Variants in ACOX1 observed in about 807,000 individuals in gnomAD.
ACOX1 encodes the protein peroxisomal acyl-coenzyme A oxidase 1.
ACOX1 carries 41 observed loss-of-function variants against 75.5 expected under a neutral mutation model. The observed-to-expected ratio is 0.54, with a 90% CI of 0.42 to 0.70. The LOEUF is 0.70. ACOX1 is among the 30% of genes least tolerant of loss of function. The pLI is 0.00. For missense variants in ACOX1, 630 were observed against 837.5 expected, an observed-to-expected ratio of 0.75 and a Z score of 3.06; for synonymous variants, 303 against 298.8, an observed-to-expected ratio of 1.01 and a Z score of -0.15.
chr17:75,951,664 T>C, intron 7 of ACOX1, 87 bp from the exon 8 acceptor site: 1 of 1,335,916 alleles, frequency 7.5e-7, no homozygotes, highest in Non-Finnish European at 1.1e-6. Flanking sequence ...AAGCACTTGG[T>C]ATTTTAACTT....
chr17:75,967,894 C>T (rs2065953939), intron 2 of ACOX1, among the ~76,000 whole-genome samples: 1 of 150,302 alleles, frequency 6.7e-6, no homozygotes, highest in Non-Finnish European at 1.5e-5. Flanking sequence ...GTGCCGCCAC[C>T]ACTCCCAGCT....
chr17:75,956,327 C>T (rs1405478583), intron 4 of ACOX1, among the ~76,000 whole-genome samples: 1 of 151,968 alleles, frequency 6.6e-6, no homozygotes, highest in Non-Finnish European at 1.5e-5. Context: ...TAACAAAATC[C>T]TTCAACCACT....
rs773710550 is a variant in ACOX1, at chr17:75,957,567, C to T, written c.431-1G>A. 1 of 1,612,884 alleles carries T rather than the reference C, an allele frequency of 6.2e-7. No homozygotes were observed. Among genetic ancestry groups the T allele is most frequent in the Non-Finnish European group, 8.5e-7 (1 of 1,179,014 alleles). ...GTTTCCAAGCCTCGAAGGTGAGTTC[C>T]TAAGGAGATAAATTACATTGACTTC... On this transcript the variant is annotated splice_acceptor_variant, in intron 3 of 13. Coordinates refer to ENST00000293217, the MANE Select transcript of ACOX1 (RefSeq NM_004035.7). LOFTEE classifies it high-confidence loss of function.
In ACOX1 at chr17:75,960,180, C is replaced by T. The variant is rs750324469; in HGVS notation, c.430+35G>A. The stretch of plus-strand genomic sequence containing the variant: ...CACACATGGTAAGCTCACAGGGGCC[C>T]GCCCAACCCAGAAGGTAGACTGAAT... On this transcript the variant is annotated intron_variant, in intron 3 of 13. Coordinates refer to ENST00000293217, the MANE Select transcript of ACOX1 (RefSeq NM_004035.7). The surrounding 1 kb of genome is among the most constrained non-coding windows in gnomAD (Gnocchi z 4.4). 6.2e-6 allele frequency: 10 copies of T among 1,613,064 alleles called. No individual in the cohort carries two copies. The highest frequency in any genetic ancestry group is 2.2e-5 in the East Asian group (1 of 44,868).
chr17:75,958,579 C>A (rs187216061), intron 3 of ACOX1, among the ~76,000 whole-genome samples: 23 of 150,574 alleles, frequency 1.5e-4, no homozygotes, highest in South Asian at 4.2e-4. Flanking sequence ...GGGGCCAAGG[C>A]GGGCGGATCA....
In ACOX1 at chr17:75,957,586, T is replaced by C. The variant is rs771498367; in HGVS notation, c.431-20A>G. On this transcript the variant is annotated intron_variant, in intron 3 of 13. Transcript: ENST00000293217. ...GAGTTCCTAAGGAGATAAATTACAT[T>C]GACTTCAGTTAAGAGATGGGGAAAA... 1.3e-6 allele frequency: 2 copies of C among 1,594,378 alleles called. No individual in the cohort carries two copies. Among genetic ancestry groups the C allele is most frequent in the Non-Finnish European group, 1.7e-6 (2 of 1,162,202 alleles).
chr17:75,956,971 C>CTATATATATA (rs139218689), intron 4 of ACOX1, among the ~76,000 whole-genome samples: 4 of 34,314 alleles, frequency 1.2e-4, no homozygotes, highest in African/African-American at 1.5e-4. Context: ...CTCTCTCTCT[C>CTATATATATA]TATATATATA....
intron 2 of ACOX1, among the ~76,000 whole-genome samples, chr17:75,969,213 C>CTAGA (rs1306704377): frequency 2.0e-5 from 3 of 152,178 alleles, no homozygotes; most frequent in African/African-American, 7.2e-5. Flanking sequence ...GTTACCCAGG[C>CTAGA]TAGAGCGCAA....
At position 75,950,657 on chromosome 17, in the gene ACOX1, A is replaced by G; in HGVS notation, c.1298+117T>C. On this transcript the variant is annotated intron_variant, in intron 9 of 13. Coordinates refer to ENST00000293217, the MANE Select transcript of ACOX1 (RefSeq NM_004035.7). This position sits in a 1 kb window ranked among gnomAD's most constrained non-coding sequence, Gnocchi z 4.3. ...GAGTCAGGATGGAAGGCAAAAGTAT[A>G]CCTTTCAGGAACAAATATATATATA... is the stretch of plus-strand genomic sequence containing the variant. The G allele has an allele frequency of 8.5e-7, 1 of 1,179,152 alleles. No homozygotes were observed. The highest frequency in any genetic ancestry group is 1.3e-5 in the South Asian group (1 of 77,066). The allele number at this position is 1,179,152 out of a possible 1,614,324, so 73.0% of individuals were successfully genotyped here.
At chr17:75,966,240 CG>C (rs1251556432) in intron 2 of ACOX1, among the ~76,000 whole-genome samples, 1 of 151,292 alleles carries the variant, frequency 6.6e-6, no homozygotes, top group Non-Finnish European at 1.5e-5. Context: ...GGGTGGATCA[CG>C]GGGTCAGGAG....
At position 75,948,309 on chromosome 17, in the gene ACOX1, C is replaced by T. The variant is rs749532566; in HGVS notation, c.1877G>A (p.Gly626Glu). 1.2e-6 allele frequency: 2 copies of T among 1,614,032 alleles called. No individual in the cohort carries two copies. The highest frequency in any genetic ancestry group is 1.7e-5 in the Admixed American group (1 of 59,984). ...CTCAAACAAGTTTTCATACACATTC[C>T]CATCATAGCGGCCAAGCACAGAGCC... is the stretch of plus-strand genomic sequence containing the variant. ...TLGSVLGRYDGNVYENLFEWA... is the reference protein window; with the variant it reads ...TLGSVLGRYDENVYENLFEWA... The change falls in exon 13 of 14, where the codon GGG becomes GAG. Residue 626 changes from glycine (G) to glutamate (E), a missense_variant. This residue lies in a region of ACOX1 where 240 missense variants were observed against 262.7 expected (regional missense o/e 0.91). Coordinates refer to ENST00000293217, the MANE Select transcript of ACOX1 (RefSeq NM_004035.7).
intron 2 of ACOX1, among the ~76,000 whole-genome samples, chr17:75,961,594 A>AC (rs1406884685): frequency 6.6e-6 from 1 of 151,598 alleles, no homozygotes; most frequent in Non-Finnish European, 1.5e-5. Context: ...ACATGGTGAG[A>AC]CCCCATCTCT....
In ACOX1 at chr17:75,967,659, TAC is replaced by T. The variant is rs1567885201; in HGVS notation, c.270-7286_270-7285del. On this transcript the variant is annotated intron_variant, in intron 2 of 13. Coordinates refer to ENST00000293217, the MANE Select transcript of ACOX1 (RefSeq NM_004035.7). ...ACATATATATACGTATATATATACATACATATATATACATATATATACGTATA... is the reference window on the plus strand; with the variant it reads ...ACATATATATACGTATATATATACATATATATATACATATATATACGTATA... 9.6e-4 allele frequency among the ~76,000 whole-genome samples: 96 copies of T among 99,968 alleles called. 1 individual carries two copies. The highest frequency in any genetic ancestry group is 1.5e-3 in the Admixed American group (16 of 10,678). 65.6% of individuals were successfully genotyped at this position (99,968 alleles called of 152,430 possible). A position where few individuals can be genotyped will look rare whatever the true frequency, so the allele number is the denominator to read the frequency against.
At chr17:75,954,218 A>G (rs2065801126) in intron 6 of ACOX1, among the ~76,000 whole-genome samples, 1 of 150,000 alleles carries the variant, frequency 6.7e-6, no homozygotes, top group African/African-American at 2.5e-5. Context: ...TCTGTCTCAA[A>G]AAAAAAAAAA....
chr17:75,949,872 C>G lies in ACOX1; in HGVS notation c.1324G>C (p.Val442Leu), dbSNP rs550349517. Residue 442 changes from valine (V) to leucine (L), a missense_variant, in exon 10 of 14, where the codon GTG (valine) becomes CTG (leucine). Physicochemically the swap from Val to Leu is conservative, Grantham distance 32. Around this residue, in one of 2 missense-constraint regions of ACOX1, gnomAD observed 240 missense variants for 262.7 expected, o/e 0.91. Coordinates refer to ENST00000293217, the MANE Select transcript of ACOX1 (RefSeq NM_004035.7). Reference protein sequence around the residue: ...ARFLMKSYDQVHSGKLVCGMV... With the variant: ...ARFLMKSYDQLHSGKLVCGMV... Reference sequence around the variant, plus strand: ...CCACACACCAACTTTCCTGAGTGCACCTGATCATAACTTTTCATCAGGAAC... The same window carrying G: ...CCACACACCAACTTTCCTGAGTGCAGCTGATCATAACTTTTCATCAGGAAC... 3 of 1,614,208 alleles carry G rather than the reference C, an allele frequency of 1.9e-6. No homozygotes were observed. The African/African-American group carries it at 4.0e-5, about 22-fold the overall frequency.
chr17:75,964,204 T>C (rs1406899144), intron 2 of ACOX1, among the ~76,000 whole-genome samples: 1 of 146,066 alleles, frequency 6.8e-6, no homozygotes, highest in Non-Finnish European at 1.5e-5. Flanking sequence ...AAAAAATTAA[T>C]AGCGGAAATC....
At chr17:75,976,562 T>C (rs780305320) in intron 2 of ACOX1, among the ~76,000 whole-genome samples, 28 of 152,268 alleles carry the variant, frequency 1.8e-4, no homozygotes, top group East Asian at 3.9e-4. Context: ...CAGCCATGAG[T>C]TACAAACTTC....
Position 75,978,219 on chromosome 17 carries a change from C to G in ACOX1, c.269+315G>C, listed in dbSNP as rs1598205767. ...ACGCTATTCTCCTGCCTCAGCCTCC[C>G]GAGTAGCTGGAACTACAGGCGCCCG... On this transcript the variant is annotated intron_variant, in intron 2 of 13. Coordinates refer to ENST00000293217, the MANE Select transcript of ACOX1 (RefSeq NM_004035.7). This position sits in a 1 kb window ranked among gnomAD's most constrained non-coding sequence, Gnocchi z 4.2. Among the ~76,000 whole-genome samples the G allele has an allele frequency of 6.6e-6, 1 of 152,026 alleles. No individual in the cohort carries two copies. Among genetic ancestry groups the G allele is most frequent in the East Asian group, 1.9e-4 (1 of 5,186 alleles).
At chr17:75,976,749 A>G (rs2066053683) in intron 2 of ACOX1, among the ~76,000 whole-genome samples, 1 of 152,196 alleles carries the variant, frequency 6.6e-6, no homozygotes, top group African/African-American at 2.4e-5. Flanking sequence ...CAAAGGCACT[A>G]GAGGCAGTGA....
Sources: gnomAD v4.1 joint callset for allele counts (sites outside exome capture counted in the v4.1 genomes callset) on GRCh38, gnomAD v4.1.1 for gene constraint, gnomAD v4.1.1 regional missense constraint, Gnocchi (gnomAD v3.1) non-coding constraint, MANE v1.5 for transcripts, NCBI Gene and HGNC (gene_info 2026-07-23, HGNC 2026-07-21) for gene names.